Variants in ATP2B2 observed in about 807,000 individuals in gnomAD.
ATP2B2 encodes the protein plasma membrane calcium-transporting ATPase 2.
ATP2B2 carries 15 observed loss-of-function variants against 120.0 expected under a neutral mutation model. The ratio of observed to expected loss-of-function variants is 0.12; its 90% CI spans 0.08 to 0.19. The LOEUF (loss-of-function observed/expected upper bound fraction) is 0.19, where lower values mean the gene tolerates loss of function less well. Among genes scored for constraint, ATP2B2 ranks in the 10% least tolerant of loss-of-function variants. ATP2B2 has a pLI of 1.00. For missense variants in ATP2B2, 1,045 were observed against 1,719.8 expected (o/e 0.61, Z 6.94); for synonymous variants, 694 against 700.3 (o/e 0.99, Z 0.14).
At chr3:10,554,409 C>T (rs571036634) in intron 2 of ATP2B2, among the ~76,000 whole-genome samples, 30 of 152,142 alleles carry the variant, frequency 2.0e-4, no homozygotes, top group South Asian at 1.0e-3. Context: ...GGTGTCTCAC[C>T]GCTGACTTTA....
At chr3:10,644,157 A>C (rs959512004) in intron 1 of ATP2B2, among the ~76,000 whole-genome samples, 21 of 152,214 alleles carry the variant, frequency 1.4e-4, no homozygotes, top group African/African-American at 5.1e-4. Flanking sequence ...ACAAATAACC[A>C]GCAAACACAT....
At chr3:10,697,625 T>C (rs1206735996) in intron 1 of ATP2B2, among the ~76,000 whole-genome samples, 2 of 152,170 alleles carry the variant, frequency 1.3e-5, no homozygotes, top group African/African-American at 4.8e-5. Flanking sequence ...CCCCACCCCA[T>C]GGCACATACA....
intron 1 of ATP2B2, among the ~76,000 whole-genome samples, chr3:10,651,465 G>A (rs146050391): frequency 0.028 from 4,198 of 152,290 alleles, 181 homozygotes; most frequent in African/African-American, 0.094. Context: ...CTGCTGCCAC[G>A]TGAGATGTGC....
intron 1 of ATP2B2, among the ~76,000 whole-genome samples, chr3:10,651,360 C>T (rs1456289788): frequency 1.3e-5 from 2 of 152,112 alleles, no homozygotes; most frequent in Non-Finnish European, 2.9e-5. Flanking sequence ...GCAGGTCTTT[C>T]CCATGCTGTT....
chr3:10,512,147 T>C (rs1011613923), intron 3 of ATP2B2, among the ~76,000 whole-genome samples: 4 of 152,038 alleles, frequency 2.6e-5, no homozygotes, highest in African/African-American at 4.8e-5. Context: ...TGGCACAGGA[T>C]TGAGGATCCA....
chr3:10,500,404 C>G (rs2066337369), intron 1 of ATP2B2, among the ~76,000 whole-genome samples: 1 of 151,966 alleles, frequency 6.6e-6, no homozygotes, highest in African/African-American at 2.4e-5. Flanking sequence ...AAGTTCATGC[C>G]CACCTGGAAC....
chr3:10,652,738 A>C (rs2070499538), intron 1 of ATP2B2, among the ~76,000 whole-genome samples: 1 of 152,236 alleles, frequency 6.6e-6, no homozygotes, highest in African/African-American at 2.4e-5. Flanking sequence ...TGCAGAAACA[A>C]AATGCAGTAT....
intron 1 of ATP2B2, among the ~76,000 whole-genome samples, chr3:10,661,396 CA>C (rs1575601271): frequency 6.6e-6 from 1 of 152,162 alleles, no homozygotes; most frequent in East Asian, 1.9e-4. Context: ...GCAACTTCAG[CA>C]AAGTCTCAGG....
chr3:10,410,856 G>C (rs934970228), intron 2 of ATP2B2, 41 bp from the exon 3 acceptor site: 1 of 1,596,386 alleles, frequency 6.3e-7, no homozygotes, highest in Non-Finnish European at 8.6e-7. Context: ...GGGCCTGGGA[G>C]AGATGCAGGC....
chr3:10,605,652 A>AT (rs2069043039), intron 2 of ATP2B2, among the ~76,000 whole-genome samples: 1 of 42,632 alleles, frequency 2.3e-5, no homozygotes, highest in East Asian at 5.5e-4. Flanking sequence ...CTATCTTTAC[A>AT]GTTTTTTTTT....
At chr3:10,468,934 A>C (rs7644022) in intron 1 of ATP2B2, among the ~76,000 whole-genome samples, 71,596 of 152,218 alleles carry the variant, frequency 0.47, 18,840 homozygotes, top group African/African-American at 0.7. Flanking sequence ...GTGGATGATG[A>C]AGCCGTTAAG....
intron 1 of ATP2B2, among the ~76,000 whole-genome samples, chr3:10,705,904 G>A (rs2071888900): frequency 6.6e-6 from 1 of 152,154 alleles, no homozygotes; most frequent in Non-Finnish European, 1.5e-5. Flanking sequence ...CACTCTCAAG[G>A]TATCTCAGTT....
chr3:10,372,214 A>G (rs1312308358), intron 11 of ATP2B2, among the ~76,000 whole-genome samples, 163 bp from the exon 12 acceptor site: 2 of 152,132 alleles, frequency 1.3e-5, no homozygotes, highest in African/African-American at 4.8e-5. Flanking sequence ...GCTGCCTCCT[A>G]TACCTGGGCT....
At chr3:10,394,582 CT>C in intron 5 of ATP2B2, 1 of 456,558 alleles carries the variant, frequency 2.2e-6, no homozygotes. Context: ...CAGACTGGGC[CT>C]TCTGCAGTCA....
intron 2 of ATP2B2, among the ~76,000 whole-genome samples, chr3:10,421,353 G>GTT (rs2062974207): frequency 1.3e-5 from 2 of 152,122 alleles, no homozygotes; most frequent in Non-Finnish European, 2.9e-5. Flanking sequence ...CTCCCACAGG[G>GTT]CCCTTCTCCT....
At chr3:10,430,317 A>T (rs564262026) in intron 2 of ATP2B2, among the ~76,000 whole-genome samples, 2 of 152,354 alleles carry the variant, frequency 1.3e-5, no homozygotes, top group Non-Finnish European at 2.9e-5. Context: ...TGGGCAGAGT[A>T]AACTGAAAGC....
At chr3:10,666,486 C>T (rs976699556) in intron 1 of ATP2B2, among the ~76,000 whole-genome samples, 15 of 152,218 alleles carry the variant, frequency 9.9e-5, no homozygotes, top group Admixed American at 9.2e-4. Context: ...CTCCACACCC[C>T]ACCAATGCCC....
chr3:10,664,351 G>T (rs956695622), intron 1 of ATP2B2, among the ~76,000 whole-genome samples: 1 of 152,004 alleles, frequency 6.6e-6, no homozygotes, highest in African/African-American at 2.4e-5. Context: ...TAGCTTCTGG[G>T]GTCCCCAAGG....
At chr3:10,487,633 C>G (rs1245092727) in intron 1 of ATP2B2, among the ~76,000 whole-genome samples, 1 of 152,154 alleles carries the variant, frequency 6.6e-6, no homozygotes, top group East Asian at 1.9e-4. Context: ...GCCCTCAGCT[C>G]AGAGTAAGTA....
Sources: gnomAD v4.1 joint callset for allele counts (sites outside exome capture counted in the v4.1 genomes callset) on GRCh38, gnomAD v4.1.1 for gene constraint, MANE v1.5 for transcripts, NCBI Gene and HGNC (gene_info 2026-07-23, HGNC 2026-07-21) for gene names.